The following ANXA8 variants were observed in gnomAD, a reference collection of about 807,000 sequenced individuals.
ANXA8 encodes the protein annexin A8, also known as VAC-beta.
Under a neutral mutation model 26.8 loss-of-function variants are expected in ANXA8, and 9 were observed. The ratio of observed to expected loss-of-function variants is 0.34; its 90% confidence interval spans 0.20 to 0.59. The LOEUF (loss-of-function observed/expected upper bound fraction) is 0.59, where lower values mean the gene tolerates loss of function less well. ANXA8 is among the 20% of genes least tolerant of loss of function. ANXA8 has a pLI of 0.84. For synonymous variants in ANXA8, 39 were observed against 94.8 expected (o/e 0.41, Z 3.42); for missense variants, 83 against 238.5 (o/e 0.35, Z 4.29).
chr10:47,500,566 A>T, the ANXA8 span, among the ~76,000 whole-genome samples: 1 of 142,704 alleles, frequency 7.0e-6, no homozygotes, highest in East Asian at 2.1e-4. Context: ...GAGAAATCAC[A>T]TTCCTTCTTT....
At chr10:47,591,084 C>T in the ANXA8 span, among the ~76,000 whole-genome samples, 1 of 144,296 alleles carries the variant, frequency 6.9e-6, no homozygotes, top group Non-Finnish European at 1.5e-5. Flanking sequence ...GTCCTCCTAC[C>T]TTGATTAACA....
At chr10:47,980,471 A>G in the ANXA8 span, among the ~76,000 whole-genome samples, 678 of 151,932 alleles carry the variant, frequency 4.5e-3, 1 homozygote, top group African/African-American at 0.015. Flanking sequence ...GGAAAAAACA[A>G]GAGTAATTGC....
At chr10:47,756,852 C>T in the ANXA8 span, among the ~76,000 whole-genome samples, 1 of 142,820 alleles carries the variant, frequency 7.0e-6, no homozygotes, top group Non-Finnish European at 1.5e-5. Context: ...GCGGGCCTCA[C>T]CCTGGAGGAA....
At chr10:47,596,951 C>T in the ANXA8 span, among the ~76,000 whole-genome samples, 1 of 147,834 alleles carries the variant, frequency 6.8e-6, no homozygotes, top group South Asian at 2.1e-4. Context: ...CAAATACTCA[C>T]ACAAAAAACA....
chr10:47,561,501 T>A, the ANXA8 span, among the ~76,000 whole-genome samples: 1 of 151,934 alleles, frequency 6.6e-6, no homozygotes. Context: ...CTTTGTGCCC[T>A]TTGACCATCA....
At chr10:47,610,118 A>G in the ANXA8 span, among the ~76,000 whole-genome samples, 1 of 144,390 alleles carries the variant, frequency 6.9e-6, no homozygotes, top group Non-Finnish European at 1.5e-5. Context: ...TATCACATCT[A>G]AAACAGAGCA....
At chr10:47,573,994 C>T in the ANXA8 span, among the ~76,000 whole-genome samples, 4 of 140,134 alleles carry the variant, frequency 2.9e-5, no homozygotes, top group African/African-American at 1.1e-4. Context: ...AAAAACATTA[C>T]AGTATACTGA....
the ANXA8 span, among the ~76,000 whole-genome samples, chr10:47,605,835 A>T: frequency 1.4e-5 from 2 of 145,552 alleles, no homozygotes; most frequent in East Asian, 4.0e-4. Context: ...TAGAAATTTA[A>T]GCCATAATGA....
chr10:47,952,230 CTT>C, the ANXA8 span, among the ~76,000 whole-genome samples: 1 of 151,746 alleles, frequency 6.6e-6, no homozygotes, highest in East Asian at 2.0e-4. Flanking sequence ...GGAATGTCCA[CTT>C]TTGCCATGAT....
chr10:47,743,317 T>TATATATACAC, the ANXA8 span, among the ~76,000 whole-genome samples: 103 of 40,874 alleles, frequency 2.5e-3, 3 homozygotes, highest in Middle Eastern at 0.014. Flanking sequence ...TATATACACA[T>TATATATACAC]ATATATATAT....
At chr10:47,552,154 A>C in the ANXA8 span, among the ~76,000 whole-genome samples, 1 of 151,876 alleles carries the variant, frequency 6.6e-6, no homozygotes, top group Non-Finnish European at 1.5e-5. Flanking sequence ...ACCTCTGCTA[A>C]GGTTACATTC....
chr10:47,969,212 TCA>T, the ANXA8 span, among the ~76,000 whole-genome samples: 1 of 151,430 alleles, frequency 6.6e-6, no homozygotes, highest in Non-Finnish European at 1.5e-5. Flanking sequence ...TTCCGGACTG[TCA>T]CAGTTACACC....
At chr10:47,625,836 T>A in the ANXA8 span, among the ~76,000 whole-genome samples, 6 of 150,846 alleles carry the variant, frequency 4.0e-5, no homozygotes, top group Non-Finnish European at 7.4e-5. Context: ...TCCTCCTGGC[T>A]AACTGGAATT....
the ANXA8 span, among the ~76,000 whole-genome samples, chr10:47,733,205 CTTTCTT>C: frequency 4.6e-3 from 357 of 78,062 alleles, 2 homozygotes; most frequent in African/African-American, 7.3e-3. Flanking sequence ...TTCTTTCTTT[CTTTCTT>C]TCTTTCTTTC....
chr10:47,735,244 G>T, the ANXA8 span, among the ~76,000 whole-genome samples: 12,091 of 100,332 alleles, frequency 0.12, 551 homozygotes, highest in East Asian at 0.2. Context: ...GGACTATAAG[G>T]GCAGACCACA....
the ANXA8 span, among the ~76,000 whole-genome samples, chr10:47,744,413 G>GGGGGGGGTTGGGGGGGGAGGGGGGAA: frequency 0.48 from 1,932 of 4,018 alleles, 555 homozygotes; most frequent in Non-Finnish European, 0.58. Context: ...GCTCCTGGTG[G>GGGGGGGGTTGGGGGGGGAGGGGGGAA]GGGGGGGGTT....
the ANXA8 span, among the ~76,000 whole-genome samples, chr10:47,951,587 A>T: frequency 1.3e-5 from 2 of 150,576 alleles, 1 homozygote; most frequent in Non-Finnish European, 2.9e-5. Flanking sequence ...AGCTGGGTGG[A>T]TCACTTGAGG....
chr10:47,655,347 T>C, the ANXA8 span, among the ~76,000 whole-genome samples: 1 of 150,786 alleles, frequency 6.6e-6, no homozygotes, highest in African/African-American at 2.4e-5. Context: ...GTGGTATATA[T>C]ATTTGTATGA....
chr10:47,488,553 C>T (rs1287976848), upstream of ANXA8, among the ~76,000 whole-genome samples: 7 of 151,222 alleles, frequency 4.6e-5, no homozygotes, highest in South Asian at 2.1e-4. Flanking sequence ...ATGTTTATCT[C>T]CTAGTAAGTT....
Sources: allele counts gnomAD v4.1 joint callset (sites outside exome capture counted in the v4.1 genomes callset), GRCh38; gene constraint gnomAD v4.1.1; transcripts MANE v1.5; gene names NCBI Gene and HGNC (gene_info 2026-07-23, HGNC 2026-07-21).